Variants in FLNB observed in about 807,000 individuals in gnomAD.
FLNB encodes filamin-B.
A neutral mutation model predicts 250.6 loss-of-function variants in FLNB; 111 were observed. The observed-to-expected ratio is 0.44, with a 90% CI of 0.38 to 0.52. The LOEUF (loss-of-function observed/expected upper bound fraction) is 0.52, where lower values mean the gene tolerates loss of function less well. Ranked by LOEUF, FLNB falls within the 20% of genes least tolerant of loss-of-function variation. FLNB has a pLI of 0.00. For synonymous variants in FLNB, 1,302 were observed against 1,372.1 expected (o/e 0.95, Z 1.13); for missense variants, 2,869 against 3,447.8 (o/e 0.83, Z 4.20).
chr3:58,082,919 G>T (rs944055447), intron 4 of FLNB, among the ~76,000 whole-genome samples: 3 of 152,166 alleles, frequency 2.0e-5, no homozygotes, highest in Non-Finnish European at 4.4e-5. Context: ...GTTTGCATAT[G>T]TGTTCATGTG....
intron 1 of FLNB, among the ~76,000 whole-genome samples, chr3:58,010,498 C>T (rs772994606): frequency 2.0e-5 from 3 of 152,120 alleles, no homozygotes; most frequent in Non-Finnish European, 2.9e-5. Context: ...ATCTGCATGG[C>T]ACGCTGTTGT....
At chr3:58,170,159 C>T (rs963135583) in intron 45 of FLNB, among the ~76,000 whole-genome samples, 1 of 152,184 alleles carries the variant, frequency 6.6e-6, no homozygotes, top group African/African-American at 2.4e-5. Context: ...AAGTCAGTTT[C>T]CTCTTCTCGG....
At chr3:58,035,046 G>A (rs9681058) in intron 1 of FLNB, among the ~76,000 whole-genome samples, 3,854 of 152,294 alleles carry the variant, frequency 0.025, 149 homozygotes, top group African/African-American at 0.088. Context: ...TGGGGACATT[G>A]CAGAGGATTG....
At position 58,164,078 on chromosome 3, in the gene FLNB, T is replaced by A. The variant is rs2097366387; in HGVS notation, c.7198+748T>A. The A allele has an allele frequency of 6.6e-6, 1 of 152,380 alleles. No homozygotes were observed. The highest frequency in any genetic ancestry group is 2.1e-4 in the South Asian group (1 of 4,826). 9.4% of individuals were successfully genotyped at this position (152,380 alleles called of 1,614,324 possible). ...TTGGTTGCTGGGTTGGTTAGCTAAT[T>A]GGTTCATTAGACAAGCAGACACAGA... On this transcript the variant is annotated intron_variant, in intron 43 of 45. Coordinates refer to ENST00000295956, the MANE Select transcript of FLNB (RefSeq NM_001457.4). The surrounding 1 kb of genome is among the most constrained non-coding windows in gnomAD (Gnocchi z 4.0).
chr3:58,070,725 T>TCTTG (rs1463393001), intron 1 of FLNB, among the ~76,000 whole-genome samples: 1 of 150,880 alleles, frequency 6.6e-6, no homozygotes, highest in Non-Finnish European at 1.5e-5. Context: ...AGTGGTGCTA[T>TCTTG]CTTGGCTCAC....
chr3:58,111,630 C>T lies in FLNB; in HGVS notation c.2485-161C>T, dbSNP rs78859332. ...AGAAGGCCCTTTCCCAATGCTGGGC[C>T]CTTTTGGCTTATCTTACCCTTCTGT... On this transcript the variant is annotated intron_variant, in intron 16 of 45. Coordinates refer to ENST00000295956, the MANE Select transcript of FLNB (RefSeq NM_001457.4). 0.055 allele frequency among the ~76,000 whole-genome samples: 8,363 copies of T among 152,130 alleles called. 707 individuals are homozygous for T. Among genetic ancestry groups the T allele is most frequent in the African/African-American group, 0.18 (7,428 of 41,474 alleles).
intron 34 of FLNB, 39 bp downstream of exon 34, chr3:58,147,032 G>A (rs757021620): frequency 1.9e-6 from 3 of 1,608,898 alleles, no homozygotes; most frequent in South Asian, 1.1e-5. Context: ...CTCGTGGGAA[G>A]TATGGCTGCC....
intron 1 of FLNB, among the ~76,000 whole-genome samples, chr3:58,061,827 C>T (rs1401790777): frequency 1.3e-5 from 2 of 151,746 alleles, no homozygotes; most frequent in African/African-American, 4.8e-5. Context: ...TGTGGTGGCT[C>T]ATGCCTGTAA....
chr3:58,050,105 C>G (rs568327200), intron 1 of FLNB, among the ~76,000 whole-genome samples: 2 of 151,418 alleles, frequency 1.3e-5, no homozygotes, highest in Non-Finnish European at 2.9e-5. Context: ...TCTTGGCTCA[C>G]CGCAACCTCT....
chr3:58,149,976 C>A lies in FLNB; in HGVS notation c.6218C>A (p.Thr2073Asn), dbSNP rs1378316057. 6.2e-7 allele frequency: 1 copy of A among 1,614,152 alleles called. No individual in the cohort carries two copies. The highest frequency in any genetic ancestry group is 8.5e-7 in the Non-Finnish European group (1 of 1,180,062). Reference sequence around the variant, plus strand: ...GTGCCTGGGGTTTATATCGTCTCCACCAAATTCGCTGACGAGCACGTGCCT... The same window carrying A: ...GTGCCTGGGGTTTATATCGTCTCCAACAAATTCGCTGACGAGCACGTGCCT... ...PTVPGVYIVSTKFADEHVPGS... is the reference protein window; with the variant it reads ...PTVPGVYIVSNKFADEHVPGS... Residue 2073 changes from threonine (T) to asparagine (N), a missense_variant, in exon 37 of 46, where the codon ACC becomes AAC. Coordinates refer to ENST00000295956, the MANE Select transcript of FLNB (RefSeq NM_001457.4).
At chr3:58,108,918 A>G (rs1342885663) in intron 13 of FLNB, among the ~76,000 whole-genome samples, 1 of 149,876 alleles carries the variant, frequency 6.7e-6, no homozygotes, top group Admixed American at 6.6e-5. Flanking sequence ...GAATTTGGCC[A>G]AAGGACTTAA....
intron 1 of FLNB, among the ~76,000 whole-genome samples, chr3:58,067,109 C>G (rs538719457): frequency 1.3e-5 from 2 of 152,262 alleles, no homozygotes; most frequent in African/African-American, 4.8e-5. Context: ...CATGCCATGC[C>G]CAGGGCAGGC....
At chr3:58,160,753 G>A (rs2097360143) in intron 42 of FLNB, among the ~76,000 whole-genome samples, 1 of 152,090 alleles carries the variant, frequency 6.6e-6, no homozygotes, top group African/African-American at 2.4e-5. Context: ...CAGCACTTTG[G>A]GAGGATCAGT....
At chr3:58,147,025 G>A (rs751471899) in intron 34 of FLNB, 32 bp downstream of exon 34, 47 of 1,611,446 alleles carry the variant, frequency 2.9e-5, no homozygotes, top group South Asian at 2.9e-4. Flanking sequence ...GGTCTTCCTC[G>A]TGGGAAGTAT....
At chr3:58,119,779 C>T (rs1467900249) in intron 19 of FLNB, among the ~76,000 whole-genome samples, 1 of 152,194 alleles carries the variant, frequency 6.6e-6, no homozygotes, top group African/African-American at 2.4e-5. Flanking sequence ...CCAAAGTTTT[C>T]AATTCAGTTT....
In FLNB at chr3:58,134,686, T is replaced by C. The variant is rs770433500; in HGVS notation, c.4585T>C (p.Ser1529Pro). The C allele has an allele frequency of 1.7e-5, 28 of 1,614,160 alleles. No individual in the cohort carries two copies. The highest frequency in any genetic ancestry group is 2.4e-5 in the Non-Finnish European group (28 of 1,180,004). ...KVTASGPGLS[S>P]YGVPASLPVD... is the part of the protein sequence containing the mutation. ...GACTGCCAGTGGCCCCGGCCTTAGT[T>C]CCTATGGTGTGCCTGCCAGTCTACC... Residue 1529 changes from serine (S) to proline (P), a missense_variant, in exon 27 of 46, where the codon TCC becomes CCC. Physicochemically the swap from Ser to Pro is moderately conservative, Grantham distance 74. This residue lies in a region of FLNB where 126 missense variants were observed against 182.0 expected (regional missense o/e 0.69). Coordinates refer to ENST00000295956, the MANE Select transcript of FLNB (RefSeq NM_001457.4).
intron 1 of FLNB, among the ~76,000 whole-genome samples, chr3:58,042,812 T>A (rs1215000600): frequency 2.0e-5 from 3 of 152,176 alleles, no homozygotes; most frequent in Non-Finnish European, 4.4e-5. Context: ...GGGCTAGTCA[T>A]TATAGATTTA....
chr3:58,125,191 G>A (rs1406901477), intron 22 of FLNB, among the ~76,000 whole-genome samples: 1 of 152,010 alleles, frequency 6.6e-6, no homozygotes, highest in East Asian at 1.9e-4. Context: ...GGAGTGCAGT[G>A]GTGTGATCAC....
In FLNB at chr3:58,039,734, G is replaced by C. The variant is rs1219759868; in HGVS notation, c.292+30878G>C. On this transcript the variant is annotated intron_variant, in intron 1 of 45. Transcript: ENST00000295956. ...TTGGAAGGACACCATTCACTTTATT[G>C]CCTCTTTTCATTGTTGCCCAGAATA... Among the ~76,000 whole-genome samples, 2 of 152,212 alleles carry C rather than the reference G, an allele frequency of 1.3e-5. 1 individual carries two copies. The highest frequency in any genetic ancestry group is 4.1e-4 in the South Asian group (2 of 4,826).
Sources: gnomAD v4.1 joint callset for allele counts (sites outside exome capture counted in the v4.1 genomes callset) on GRCh38, gnomAD v4.1.1 for gene constraint, gnomAD v4.1.1 regional missense constraint, Gnocchi (gnomAD v3.1) non-coding constraint, MANE v1.5 for transcripts, NCBI Gene and HGNC (gene_info 2026-07-23, HGNC 2026-07-21) for gene names.